NEIL3: variants seen among roughly 807,000 people sequenced by gnomAD.
NEIL3 encodes endonuclease 8-like 3.
Under a neutral mutation model 57.5 loss-of-function variants are expected in NEIL3, and 48 were observed. That is an observed-to-expected ratio of 0.83 (90% CI 0.66 to 1.06). The LOEUF (loss-of-function observed/expected upper bound fraction) is 1.06. Ranked by LOEUF, NEIL3 falls within the 50% of genes least tolerant of loss-of-function variation. The pLI is 0.00. For synonymous variants in NEIL3, 261 were observed against 253.2 expected, an observed-to-expected ratio of 1.03 and a Z score of -0.29; for missense variants, 717 against 739.1, an observed-to-expected ratio of 0.97 and a Z score of 0.35.
intron 5 of NEIL3, among the ~76,000 whole-genome samples, chr4:177,340,513 A>T (rs949040616): frequency 6.6e-6 from 1 of 152,210 alleles, no homozygotes. Context: ...TACTATGTTC[A>T]GAAAGTCAGG....
intron 6 of NEIL3, among the ~76,000 whole-genome samples, chr4:177,345,524 G>C (rs1222393667): frequency 6.6e-6 from 1 of 151,328 alleles, no homozygotes; most frequent in African/African-American, 2.4e-5. Context: ...CAATGTGCAG[G>C]TTTGTTACAT....
At chr4:177,325,747 A>G (rs756003087) in intron 2 of NEIL3, among the ~76,000 whole-genome samples, 3 of 152,050 alleles carry the variant, frequency 2.0e-5, no homozygotes, top group Admixed American at 2.0e-4. Flanking sequence ...AATTTCAGCT[A>G]TTCTAATAGG....
intron 8 of NEIL3, among the ~76,000 whole-genome samples, chr4:177,356,834 C>G (rs1421803355): frequency 6.6e-6 from 1 of 152,100 alleles, no homozygotes; most frequent in Non-Finnish European, 1.5e-5. Context: ...TTACTAGAAA[C>G]AGTTTAAGTT....
chr4:177,341,622 T>A lies in NEIL3; in HGVS notation c.849T>A (p.Asn283Lys). 1 of 1,613,176 alleles carries A rather than the reference T, an allele frequency of 6.2e-7. No individual in the cohort carries two copies. The highest frequency in any genetic ancestry group is 1.3e-5 in the African/African-American group (1 of 74,926). ...TCTGTCCTCACTGTCAAAAAGAAAA[T>A]CCTCAACATGTTGACATATGGTAAG... Reference protein sequence around the residue: ...TYFCPHCQKENPQHVDICKLP... With the variant: ...TYFCPHCQKEKPQHVDICKLP... The change falls in exon 6 of 10, where the codon AAT becomes AAA. Residue 283 changes from asparagine to lysine, a missense_variant. Coordinates refer to ENST00000264596, the MANE Select transcript of NEIL3 (RefSeq NM_018248.3).
chr4:177,317,879 C>T (rs1462446638), intron 1 of NEIL3, among the ~76,000 whole-genome samples: 9 of 151,926 alleles, frequency 5.9e-5, no homozygotes, highest in Non-Finnish European at 2.9e-5. Context: ...TTACAGGCAC[C>T]GTGCCTGGCC....
Position 177,362,733 on chromosome 4 carries a change from G to A in NEIL3, c.*262G>A, listed in dbSNP as rs571200145. ...ATGTGTATTTAATGCATTTAGTAATGACGATAAAGTGTTTTTAGTATGCTT... is the reference window on the plus strand; with the variant it reads ...ATGTGTATTTAATGCATTTAGTAATAACGATAAAGTGTTTTTAGTATGCTT... On this transcript the variant is annotated 3_prime_UTR_variant, in exon 10 of 10. Transcript: ENST00000264596. 3 of 267,000 alleles carry A rather than the reference G, an allele frequency of 1.1e-5. No individual in the cohort carries two copies. Among genetic ancestry groups the A allele is most frequent in the East Asian group, 1.4e-4 (2 of 14,534 alleles). 16.5% of individuals were successfully genotyped at this position (267,000 alleles called of 1,614,324 possible).
At chr4:177,323,312 C>T (rs1379399571) in intron 2 of NEIL3, among the ~76,000 whole-genome samples, 1 of 152,176 alleles carries the variant, frequency 6.6e-6, no homozygotes, top group African/African-American at 2.4e-5. Flanking sequence ...ACTGCTTCCT[C>T]AAATCGTTTT....
chr4:177,358,694 C>T (rs563585650), intron 8 of NEIL3, among the ~76,000 whole-genome samples: 1 of 152,200 alleles, frequency 6.6e-6, no homozygotes, highest in Middle Eastern at 3.4e-3. Flanking sequence ...TGGGCCTCTC[C>T]TTTCTACTTT....
chr4:177,337,789 G>A (rs1375433362), intron 4 of NEIL3, among the ~76,000 whole-genome samples: 1 of 152,150 alleles, frequency 6.6e-6, no homozygotes, highest in African/African-American at 2.4e-5. Context: ...ACGAGGTCAA[G>A]AGGTGAGACC....
intron 2 of NEIL3, among the ~76,000 whole-genome samples, chr4:177,334,571 C>G (rs970549646): frequency 5.3e-5 from 8 of 152,148 alleles, no homozygotes; most frequent in African/African-American, 1.9e-4. Flanking sequence ...AGTTGTACAC[C>G]TTTCACTGGG....
chr4:177,310,116 T>A lies in NEIL3; in HGVS notation c.156+7T>A, dbSNP rs1734449065. The A allele has an allele frequency of 2.6e-6, 4 of 1,565,000 alleles. No individual in the cohort carries two copies. Among genetic ancestry groups the A allele is most frequent in the Non-Finnish European group, 3.4e-6 (4 of 1,160,650 alleles). ...GGTTGTGGTCTCCCCGCAGGTGAGC[T>A]ACTCCTGTAACAGGCCATGCAGTCA... is the stretch of plus-strand genomic sequence containing the variant. On this transcript the variant is annotated splice_region_variant and intron_variant, in intron 1 of 9. Transcript: ENST00000264596.
downstream of NEIL3, among the ~76,000 whole-genome samples, chr4:177,366,600 T>C (rs1421744592): frequency 1.3e-5 from 2 of 152,168 alleles, no homozygotes; most frequent in Non-Finnish European, 2.9e-5. Flanking sequence ...GCTGTCGTCA[T>C]GTTGGCCAGG....
chr4:177,326,292 G>A (rs1384499768), intron 2 of NEIL3, among the ~76,000 whole-genome samples: 1 of 152,100 alleles, frequency 6.6e-6, no homozygotes, highest in Non-Finnish European at 1.5e-5. Context: ...TTGTTGACGA[G>A]ATTATCCTTT....
chr4:177,341,748 C>T, intron 6 of NEIL3, 106 bp downstream of exon 6: 8 of 978,926 alleles, frequency 8.2e-6, no homozygotes, highest in Admixed American at 3.2e-5. Flanking sequence ...CAGAAGAGAA[C>T]GTGACTCAAA....
intron 6 of NEIL3, among the ~76,000 whole-genome samples, chr4:177,347,097 G>C (rs17064668): frequency 0.2 from 30,514 of 152,106 alleles, 3,960 homozygotes; most frequent in African/African-American, 0.34. Context: ...TCAAGAACAT[G>C]AGCCACAGTA....
At chr4:177,356,344 G>A (rs1026369364) in intron 8 of NEIL3, among the ~76,000 whole-genome samples, 1 of 152,124 alleles carries the variant, frequency 6.6e-6, no homozygotes, top group Non-Finnish European at 1.5e-5. Context: ...GCATTACTTA[G>A]GAATGCTGCA....
intron 8 of NEIL3, among the ~76,000 whole-genome samples, chr4:177,354,571 G>C (rs1325290277): frequency 6.6e-6 from 1 of 151,982 alleles, no homozygotes; most frequent in African/African-American, 2.4e-5. Context: ...TTTTCTTTGA[G>C]GTGGCGTTTT....
At chr4:177,353,233 A>G (rs1185654953) in intron 7 of NEIL3, 75 bp from the exon 8 acceptor site, 2 of 1,285,502 alleles carry the variant, frequency 1.6e-6, no homozygotes, top group Non-Finnish European at 2.2e-6. Context: ...TTTTTAATCA[A>G]ATAAAAAGAT....
At chr4:177,315,113 A>T (rs1560906549) in intron 1 of NEIL3, among the ~76,000 whole-genome samples, 3 of 151,534 alleles carry the variant, frequency 2.0e-5, no homozygotes, top group African/African-American at 7.3e-5. Flanking sequence ...TGGGGGGAAA[A>T]GTGTGTGAGG....
Sources: gnomAD v4.1 joint callset for allele counts (sites outside exome capture counted in the v4.1 genomes callset) on GRCh38, gnomAD v4.1.1 for gene constraint, MANE v1.5 for transcripts, NCBI Gene and HGNC (gene_info 2026-07-23, HGNC 2026-07-21) for gene names.